KLHL5: variants seen among roughly 807,000 people sequenced by gnomAD.
KLHL5 encodes kelch-like protein 5.
Under a neutral mutation model 77.7 loss-of-function variants are expected in KLHL5, and 48 were observed. The observed-to-expected ratio is 0.62, with a 90% confidence interval of 0.49 to 0.79. The LOEUF (loss-of-function observed/expected upper bound fraction) is 0.79, where lower values mean the gene tolerates loss of function less well. Ranked by LOEUF, KLHL5 falls within the 30% of genes least tolerant of loss-of-function variation. The pLI is 0.00. For synonymous variants in KLHL5, 260 were observed against 297.0 expected (o/e 0.88, Z 1.28); for missense variants, 723 against 859.7 (o/e 0.84, Z 1.99).
At chr4:39,109,833 G>A (rs1440256557) in intron 8 of KLHL5, among the ~76,000 whole-genome samples, 2 of 150,984 alleles carry the variant, frequency 1.3e-5, no homozygotes, top group African/African-American at 4.9e-5. Flanking sequence ...ATAGGCACCT[G>A]CCACCATGCC....
intron 1 of KLHL5, among the ~76,000 whole-genome samples, chr4:39,047,054 A>C (rs571503704): frequency 6.6e-6 from 1 of 152,212 alleles, no homozygotes; most frequent in Non-Finnish European, 1.5e-5. Flanking sequence ...TTAAAGCGGG[A>C]TGTATTTTGT....
rs1400334029 is a variant in KLHL5, at chr4:39,126,178, G to T, written c.*5112G>T. On this transcript the variant is annotated 3_prime_UTR_variant, in exon 11 of 11. Coordinates refer to ENST00000504108, the MANE Select transcript of KLHL5 (RefSeq NM_015990.5). ...GAACTCTGTAATATTTGAAATTATT[G>T]ATAACTCTTACACAAAAACAAATAT... Among the ~76,000 whole-genome samples, 1 of 151,996 alleles carries T rather than the reference G, an allele frequency of 6.6e-6. No individual in the cohort carries two copies. The highest frequency in any genetic ancestry group is 2.4e-5 in the African/African-American group (1 of 41,380).
intron 10 of KLHL5, among the ~76,000 whole-genome samples, chr4:39,116,678 G>A (rs1722863673): frequency 6.6e-6 from 1 of 152,028 alleles, no homozygotes; most frequent in Non-Finnish European, 1.5e-5. Flanking sequence ...TATAGGATCT[G>A]TGCTTGAGAG....
chr4:39,080,471 A>C lies in KLHL5; in HGVS notation c.567-632A>C, dbSNP rs150468725. ...AACCTGGGAAGCAGAGGTTGCAGTGAGCCGAGATCATAGCATGGCACGCCA... is the reference window on the plus strand; with the variant it reads ...AACCTGGGAAGCAGAGGTTGCAGTGCGCCGAGATCATAGCATGGCACGCCA... On this transcript the variant is annotated intron_variant, in intron 2 of 10. Transcript: ENST00000504108. Among the ~76,000 whole-genome samples, 1,483 of 152,122 alleles carry C rather than the reference A, an allele frequency of 9.7e-3. 24 individuals carry two copies. Among genetic ancestry groups the C allele is most frequent in the African/African-American group, 0.034 (1,420 of 41,486 alleles).
rs553009444 is a variant in KLHL5 at position 39,116,053 on chromosome 4, C to T, written c.2073+723C>T. 73 of 984,530 alleles carry T rather than the reference C, an allele frequency of 7.4e-5. 1 individual carries two copies. In the African/African-American group the frequency reaches 1.2e-3, roughly 16 times the overall value. 61.0% of individuals were successfully genotyped at this position (984,530 alleles called of 1,614,324 possible). ...TGGTCAAGAAAACAAAGCTTCTAGGCCAGGCATGGTGGCTTATGCCTATAA... is the reference window on the plus strand; with the variant it reads ...TGGTCAAGAAAACAAAGCTTCTAGGTCAGGCATGGTGGCTTATGCCTATAA... On this transcript the variant is annotated intron_variant, in intron 10 of 10. Coordinates refer to ENST00000504108, the MANE Select transcript of KLHL5 (RefSeq NM_015990.5).
rs551425956 is a variant in KLHL5 at position 39,053,449 on chromosome 4, G to A, written c.-95+8353G>A. ...CTGGATTTGGTTGAAGTCAGTAAAA[G>A]ACAAATTTGTGGTTATCCAGATTGT... is the stretch of plus-strand genomic sequence containing the variant. On this transcript the variant is annotated intron_variant, in intron 1 of 11. Transcript: ENST00000261425. Among the ~76,000 whole-genome samples, 4 of 152,304 alleles carry A rather than the reference G, an allele frequency of 2.6e-5. No homozygotes were observed. In the South Asian group the frequency reaches 6.2e-4, roughly 24 times the overall value.
intron 1 of KLHL5, among the ~76,000 whole-genome samples, chr4:39,056,098 T>C (rs1273692831): frequency 6.6e-6 from 1 of 152,200 alleles, no homozygotes; most frequent in Non-Finnish European, 1.5e-5. Flanking sequence ...CCAGATGTCT[T>C]GGTATAATAC....
chr4:39,109,290 A>T (rs1203568891), intron 8 of KLHL5, among the ~76,000 whole-genome samples: 1 of 151,872 alleles, frequency 6.6e-6, no homozygotes, highest in African/African-American at 2.4e-5. Context: ...ACTTTAACTT[A>T]TTACTTATTT....
the KLHL5 span, chr4:39,133,850 C>T: frequency 6.6e-6 from 1 of 152,102 alleles, no homozygotes; most frequent in Non-Finnish European, 1.5e-5. Context: ...ATGTCTGTAG[C>T]AGCTTTTGTG....
At chr4:39,133,610 A>G in the KLHL5 span, among the ~76,000 whole-genome samples, 5 of 151,324 alleles carry the variant, frequency 3.3e-5, no homozygotes, top group African/African-American at 9.7e-5. Context: ...AAAATTTTTT[A>G]TCTGTAGTAA....
intron 7 of KLHL5, among the ~76,000 whole-genome samples, chr4:39,105,150 ATTTTT>A (rs5857651): frequency 1.4e-4 from 20 of 147,216 alleles, no homozygotes; most frequent in Admixed American, 1.4e-3. Flanking sequence ...GTTCTGCTAA[ATTTTT>A]TTTTTTTTTG....
chr4:39,142,169 G>A, the KLHL5 span, among the ~76,000 whole-genome samples: 1 of 152,078 alleles, frequency 6.6e-6, no homozygotes, highest in Non-Finnish European at 1.5e-5. Flanking sequence ...TTAAAATACA[G>A]TATATTCAAA....
At chr4:39,075,516 G>A (rs2712012) in intron 1 of KLHL5, among the ~76,000 whole-genome samples, 116,905 of 152,090 alleles carry the variant, frequency 0.77, 44,944 homozygotes, top group East Asian at 0.82. Flanking sequence ...TTATAACACT[G>A]TTTTTATGAC....
rs779114698 is a variant in KLHL5, at chr4:39,096,833, A to G, written c.1255A>G (p.Thr419Ala). 1.2e-5 allele frequency: 20 copies of G among 1,614,010 alleles called. No individual in the cohort carries two copies. Among genetic ancestry groups the G allele is most frequent in the Non-Finnish European group, 1.4e-5 (17 of 1,179,900 alleles). Residue 419 changes from threonine to alanine, a missense_variant, in exon 6 of 11, where the codon ACT becomes GCT. Coordinates refer to ENST00000504108, the MANE Select transcript of KLHL5 (RefSeq NM_015990.5). ...QSPRTKPRKS[T>A]VGTLFAVGGM... ...TCCTCGGACAAAACCTAGGAAGTCA[A>G]CTGTTGGTACATTATTTGCAGTTGG...
chr4:39,082,847 C>G (rs1719736590), intron 4 of KLHL5, among the ~76,000 whole-genome samples: 1 of 152,030 alleles, frequency 6.6e-6, no homozygotes, highest in African/African-American at 2.4e-5. Flanking sequence ...AGTGTTAGGA[C>G]CACCCTCTGT....
intron 1 of KLHL5, among the ~76,000 whole-genome samples, chr4:39,068,154 AT>A (rs1718075590): frequency 6.6e-6 from 1 of 152,090 alleles, no homozygotes; most frequent in Admixed American, 6.6e-5. Context: ...TATCTGCATA[AT>A]ATCACCACTC....
At chr4:39,129,888 T>G (rs913064307), downstream of KLHL5, among the ~76,000 whole-genome samples, 3 of 152,124 alleles carry the variant, frequency 2.0e-5, no homozygotes, top group Non-Finnish European at 4.4e-5. The surrounding 1 kb of genome is among the most constrained non-coding windows in gnomAD (Gnocchi z 4.2). Flanking sequence ...AGACTGAATA[T>G]CACATGACTG....
At chr4:39,140,574 A>G in the KLHL5 span, among the ~76,000 whole-genome samples, 1 of 152,240 alleles carries the variant, frequency 6.6e-6, no homozygotes, top group African/African-American at 2.4e-5. Context: ...AAACAAAAAT[A>G]GGCCCATTTT....
intron 5 of KLHL5, among the ~76,000 whole-genome samples, chr4:39,088,641 A>T: frequency 6.6e-6 from 1 of 152,260 alleles, no homozygotes; most frequent in African/African-American, 2.4e-5. Flanking sequence ...TTATAATGAG[A>T]TGAAGACTGT....
Sources: allele counts gnomAD v4.1 joint callset (sites outside exome capture counted in the v4.1 genomes callset), GRCh38; gene constraint gnomAD v4.1.1; non-coding constraint Gnocchi (gnomAD v3.1); transcripts MANE v1.5; gene names NCBI Gene and HGNC (gene_info 2026-07-23, HGNC 2026-07-21).